Variants in PCDHA1 observed in about 807,000 individuals in gnomAD.
PCDHA1 encodes the protein protocadherin alpha 1, also known as protocadherin alpha-1.
A neutral mutation model predicts 61.3 loss-of-function variants in PCDHA1; 42 were observed. The ratio of observed to expected loss-of-function variants is 0.69; its 90% CI spans 0.54 to 0.89. The LOEUF is 0.89. Among genes scored for constraint, PCDHA1 ranks in the 40% least tolerant of loss-of-function variants. The probability of loss-of-function intolerance (pLI) is 0.00; values close to 1 mark genes in which losing one functional copy is unlikely to be tolerated. For synonymous variants in PCDHA1, 610 were observed against 553.8 expected, an observed-to-expected ratio of 1.10 and a Z score of -1.43; for missense variants, 1,256 against 1,235.3, an observed-to-expected ratio of 1.02 and a Z score of -0.25.
chr5:140,896,074 A>C (rs1251086240), intron 1 of PCDHA1, among the ~76,000 whole-genome samples: 1 of 151,976 alleles, frequency 6.6e-6, no homozygotes, highest in African/African-American at 2.4e-5. Context: ...GCCTCCCAAC[A>C]TGCTGGGATT....
chr5:140,842,383 C>G lies in PCDHA1; in HGVS notation c.2394+53699C>G, dbSNP rs1554138979. 20 of 1,610,678 alleles carry G rather than the reference C, an allele frequency of 1.2e-5. No individual in the cohort carries two copies. In the South Asian group the frequency reaches 2.2e-4, roughly 18 times the overall value. On this transcript the variant is annotated intron_variant, in intron 1 of 3. Coordinates refer to ENST00000504120, the MANE Select transcript of PCDHA1 (RefSeq NM_018900.4). ...ACGTCCCTGAGATAGCACTGACTTC[C>G]TTATCCTTGCCTGTACGTGAAGACG... is the stretch of plus-strand genomic sequence containing the variant.
At chr5:140,972,480 C>A (rs558245112) in intron 1 of PCDHA1, among the ~76,000 whole-genome samples, 2 of 151,890 alleles carry the variant, frequency 1.3e-5, no homozygotes, top group East Asian at 3.9e-4. Context: ...AGCATTTAAC[C>A]CCAGACTCTA....
rs1554144802 is a variant in PCDHA1, at chr5:140,850,697, T to G, written c.2394+62013T>G. ...TGCCCACCGAGGGCGAGTGCGCGCC[T>G]GGCAAGCCGACGCTGGTGTGTTCTA... On this transcript the variant is annotated intron_variant, in intron 1 of 3. Transcript: ENST00000504120. 18 of 1,596,928 alleles carry G rather than the reference T, an allele frequency of 1.1e-5. 1 individual carries two copies. The highest frequency in any genetic ancestry group is 3.4e-5 in the Admixed American group (2 of 59,142).
chr5:140,984,325 G>C (rs2097097043), intron 3 of PCDHA1, among the ~76,000 whole-genome samples: 1 of 152,168 alleles, frequency 6.6e-6, no homozygotes, highest in Admixed American at 6.5e-5. Flanking sequence ...CTAGGCAAAT[G>C]TGGAATAGGA....
At chr5:140,830,106 G>C (rs150521839) in intron 1 of PCDHA1, 22 of 1,613,500 alleles carry the variant, frequency 1.4e-5, no homozygotes, top group Non-Finnish European at 1.8e-5. Context: ...CTGGTGGAGA[G>C]TGGCCAGGCT....
intron 1 of PCDHA1, chr5:140,823,698 A>G: frequency 6.2e-7 from 1 of 1,613,892 alleles, no homozygotes; most frequent in Non-Finnish European, 8.5e-7. Flanking sequence ...AGACCGAAGC[A>G]CCGCGCCACC....
Position 140,812,492 on chromosome 5 carries a change from T to C in PCDHA1, c.2394+23808T>C, listed in dbSNP as rs2126639382. 41 of 152,288 alleles carry C rather than the reference T, an allele frequency of 2.7e-4. No homozygotes were observed. In the East Asian group the frequency reaches 6.7e-3, roughly 25 times the overall value. The allele number at this position is 152,288 out of a possible 1,614,324, so 9.4% of individuals were successfully genotyped here. A position where few individuals can be genotyped will look rare whatever the true frequency, so the allele number is the denominator to read the frequency against. On this transcript the variant is annotated intron_variant, in intron 1 of 3. Coordinates refer to ENST00000504120, the MANE Select transcript of PCDHA1 (RefSeq NM_018900.4). ...TTTATTTTTGCTCTAATCTTTATTA[T>C]AGTATTTCCTCCCTTTGCTTTGGGC...
chr5:140,787,347 A>C lies in PCDHA1; in HGVS notation c.1057A>C (p.Thr353Pro). 6.2e-7 allele frequency: 1 copy of C among 1,614,200 alleles called. No homozygotes were observed. The highest frequency in any genetic ancestry group is 1.3e-5 in the African/African-American group (1 of 75,064). Residue 353 changes from threonine to proline, a missense_variant, in exon 1 of 4, where the codon ACT (threonine) becomes CCT (proline). Physicochemically the swap from Thr to Pro is conservative, Grantham distance 38. Coordinates refer to ENST00000504120, the MANE Select transcript of PCDHA1 (RefSeq NM_018900.4). ...VNDNAPELAV[T>P]SLYLPIREDA... ...TGATAATGCTCCAGAACTGGCGGTC[A>C]CTTCATTGTATTTGCCTATCAGAGA...
intron 1 of PCDHA1, chr5:140,865,531 T>A (rs562505947): frequency 4.6e-5 from 7 of 152,326 alleles, no homozygotes; most frequent in African/African-American, 1.7e-4. Flanking sequence ...ATTCTCTTCA[T>A]CCATAGCTAT....
At chr5:140,959,412 A>G (rs2153722176) in intron 1 of PCDHA1, among the ~76,000 whole-genome samples, 1 of 152,256 alleles carries the variant, frequency 6.6e-6, no homozygotes, top group African/African-American at 2.4e-5. Context: ...GTGTTGATTG[A>G]TCTGAGAATT....
At chr5:140,870,435 G>A in intron 1 of PCDHA1, 1 of 1,614,252 alleles carries the variant, frequency 6.2e-7, no homozygotes, top group South Asian at 1.1e-5. Context: ...CCGTGGAGGT[G>A]GCCGACGTGA....
chr5:140,967,747 A>G (rs782650276), intron 1 of PCDHA1: 36 of 1,614,042 alleles, frequency 2.2e-5, no homozygotes, highest in Non-Finnish European at 3.0e-5. Context: ...ATTATGAGGA[A>G]GCCTCCTCCT....
intron 1 of PCDHA1, chr5:140,966,814 CCGG>C (rs2096057641): frequency 1.9e-6 from 3 of 1,552,444 alleles, no homozygotes; most frequent in Non-Finnish European, 2.6e-6. Flanking sequence ...ATCCACGGCT[CCGG>C]CGGCCCATGC....
chr5:140,849,699 A>G, intron 1 of PCDHA1: 1 of 1,598,608 alleles, frequency 6.3e-7, no homozygotes, highest in Non-Finnish European at 8.6e-7. Flanking sequence ...GTCCACCTAC[A>G]AGAATTACTA....
At chr5:140,837,117 T>C (rs1774919883) in intron 1 of PCDHA1, 1 of 157,306 alleles carries the variant, frequency 6.4e-6, no homozygotes, top group African/African-American at 2.4e-5. Flanking sequence ...ATATGTTACC[T>C]AATATTTTAT....
rs782722148 is a variant in PCDHA1, at chr5:140,857,308, T to A, written c.2394+68624T>A. 2 of 1,597,818 alleles carry A rather than the reference T, an allele frequency of 1.3e-6. 1 individual carries two copies. Among genetic ancestry groups the A allele is most frequent in the African/African-American group, 2.7e-5 (2 of 74,344 alleles). Reference sequence around the variant, plus strand: ...TGGACCGCGAGAGGGTGTCGGCCTATGAGCTGGTGGTGACCGCGCGGGACG... The same window carrying A: ...TGGACCGCGAGAGGGTGTCGGCCTAAGAGCTGGTGGTGACCGCGCGGGACG... On this transcript the variant is annotated intron_variant, in intron 1 of 3. Coordinates refer to ENST00000504120, the MANE Select transcript of PCDHA1 (RefSeq NM_018900.4).
rs782305894 is a variant in PCDHA1 at position 140,801,987 on chromosome 5, G to T, written c.2394+13303G>T. The stretch of plus-strand genomic sequence containing the variant: ...ACCAAATGGTACCCTAGTGGTGACC[G>T]TTAACGCCACCGATTTGGATGAAGG... On this transcript the variant is annotated intron_variant, in intron 1 of 3. Transcript: ENST00000504120. The T allele has an allele frequency of 9.3e-6, 15 of 1,614,224 alleles. No homozygotes were observed. In the South Asian group the frequency reaches 1.6e-4, roughly 18 times the overall value.
At chr5:140,811,829 C>T (rs1351316701) in intron 1 of PCDHA1, 4 of 152,080 alleles carry the variant, frequency 2.6e-5, no homozygotes, top group African/African-American at 4.8e-5. Flanking sequence ...TATCCTTTGC[C>T]CACTTTTTGA....
rs541123870 is a variant in PCDHA1 at position 140,857,278 on chromosome 5, C to T, written c.2394+68594C>T. 4.4e-6 allele frequency: 7 copies of T among 1,598,684 alleles called. No individual in the cohort carries two copies. The South Asian group carries it at 7.7e-5, about 18-fold the overall frequency. On this transcript the variant is annotated intron_variant, in intron 1 of 3. Coordinates refer to ENST00000504120, the MANE Select transcript of PCDHA1 (RefSeq NM_018900.4). ...ATTACTACTCATTGGTGCTGGACAG[C>T]GCTCTGGACCGCGAGAGGGTGTCGG...
Sources: allele counts gnomAD v4.1 joint callset (sites outside exome capture counted in the v4.1 genomes callset), GRCh38; gene constraint gnomAD v4.1.1; transcripts MANE v1.5; gene names NCBI Gene and HGNC (gene_info 2026-07-23, HGNC 2026-07-21).